PLD5: variants seen among roughly 807,000 people sequenced by gnomAD.
PLD5 encodes the protein phospholipase D family member 5, also known as inactive phospholipase D5.
PLD5 carries 36 observed loss-of-function variants against 61.1 expected under a neutral mutation model. The ratio of observed to expected loss-of-function variants is 0.59; its 90% CI spans 0.45 to 0.78. The LOEUF (loss-of-function observed/expected upper bound fraction) is 0.78. Among genes scored for constraint, PLD5 ranks in the 30% least tolerant of loss-of-function variants. The probability of loss-of-function intolerance (pLI) is 0.00; values close to 1 mark genes in which losing one functional copy is unlikely to be tolerated. For missense variants in PLD5, 515 were observed against 644.4 expected (o/e 0.80, Z 2.17); for synonymous variants, 243 against 242.8 (o/e 1.00, Z -0.01).
Position 242,124,512 on chromosome 1 carries a change from ATTTCT to A in PLD5, c.884_888del (p.Lys295IlefsTer7). ...TTGGTTTCATTCAACTGAAGTTGCA[ATTTCT>A]TTTCATTGTCATAGACTCCATAGAG... On this transcript the variant is annotated frameshift_variant, in exon 6 of 10. Coordinates refer to ENST00000536534, the MANE Select transcript of PLD5 (RefSeq NM_001372062.1). LOFTEE classifies it high-confidence loss of function. 1 of 1,614,046 alleles carries A rather than the reference ATTTCT, an allele frequency of 6.2e-7. No homozygotes were observed. The highest frequency in any genetic ancestry group is 8.5e-7 in the Non-Finnish European group (1 of 1,179,980).
intron 5 of PLD5, among the ~76,000 whole-genome samples, chr1:242,190,359 G>A (rs1161214975): frequency 1.3e-5 from 2 of 151,344 alleles, no homozygotes; most frequent in East Asian, 4.0e-4. Context: ...TGTTAGCCAG[G>A]ATGGTCTCGA....
intron 1 of PLD5, among the ~76,000 whole-genome samples, chr1:242,348,820 C>T (rs1442475339): frequency 5.3e-5 from 8 of 152,046 alleles, no homozygotes; most frequent in South Asian, 2.1e-4. Context: ...TTTGGGAGGC[C>T]AAGGCGGGCA....
chr1:242,305,464 T>G (rs1367627137), intron 2 of PLD5, among the ~76,000 whole-genome samples: 1 of 152,228 alleles, frequency 6.6e-6, no homozygotes, highest in Non-Finnish European at 1.5e-5. Flanking sequence ...AAGATACATA[T>G]TTCCTTCATT....
chr1:242,390,272 T>C (rs1662852946), intron 1 of PLD5, among the ~76,000 whole-genome samples: 1 of 152,064 alleles, frequency 6.6e-6, no homozygotes, highest in Admixed American at 6.6e-5. Context: ...GTTGGCCAGG[T>C]TGGTCTCGAA....
At chr1:242,174,099 G>A (rs1398346606) in intron 5 of PLD5, among the ~76,000 whole-genome samples, 3 of 151,968 alleles carry the variant, frequency 2.0e-5, no homozygotes, top group Non-Finnish European at 2.9e-5. Context: ...ACTACCATCA[G>A]AGTGAACAGG....
intron 1 of PLD5, among the ~76,000 whole-genome samples, chr1:242,468,630 T>A (rs1667345845): frequency 6.6e-6 from 1 of 152,168 alleles, no homozygotes; most frequent in Admixed American, 6.6e-5. Context: ...ACTTAACAGT[T>A]TTTATGATGG....
chr1:242,301,608 A>G lies in PLD5; in HGVS notation c.327-13078T>C, dbSNP rs1440978738. 2.0e-5 allele frequency among the ~76,000 whole-genome samples: 3 copies of G among 152,034 alleles called. No homozygotes were observed. The East Asian group carries it at 5.8e-4, about 29-fold the overall frequency. On this transcript the variant is annotated intron_variant, in intron 2 of 9. Transcript: ENST00000536534. ...CAACCCCAGAGGAATCTACATAACA[A>G]CCTTAATTAACTAGCGTTTATCTGT... is the stretch of plus-strand genomic sequence containing the variant.
In PLD5 at chr1:242,172,081, GC is replaced by G. The variant is rs1401231099; in HGVS notation, c.736-47417del. Among the ~76,000 whole-genome samples the G allele has an allele frequency of 2.6e-5, 4 of 152,166 alleles. No homozygotes were observed. The East Asian group carries it at 7.7e-4, about 29-fold the overall frequency. On this transcript the variant is annotated intron_variant, in intron 5 of 9. Coordinates refer to ENST00000536534, the MANE Select transcript of PLD5 (RefSeq NM_001372062.1). ...CACCCCAAATCAACAGAACATACAT[GC>G]TTTGCAGCACCTCATTGCACTTATT... is the stretch of plus-strand genomic sequence containing the variant.
At chr1:242,494,819 A>G (rs139269565) in intron 1 of PLD5, among the ~76,000 whole-genome samples, 30 of 151,692 alleles carry the variant, frequency 2.0e-4, no homozygotes, top group Admixed American at 1.7e-3. Flanking sequence ...TTCATTCTGC[A>G]AAACTTTAGT....
chr1:242,152,991 T>C (rs1042589598), intron 5 of PLD5, among the ~76,000 whole-genome samples: 1 of 152,144 alleles, frequency 6.6e-6, no homozygotes, highest in African/African-American at 2.4e-5. Flanking sequence ...AAAGTGTTCC[T>C]ATTTCTCCAC....
chr1:242,443,982 G>C (rs1666389604), intron 1 of PLD5, among the ~76,000 whole-genome samples: 1 of 151,970 alleles, frequency 6.6e-6, no homozygotes, highest in Non-Finnish European at 1.5e-5. Context: ...TCACCTAATG[G>C]GACCTGTGCA....
intron 9 of PLD5, 71 bp downstream of exon 9, chr1:242,100,597 C>A: frequency 8.9e-7 from 1 of 1,125,254 alleles, no homozygotes; most frequent in East Asian, 2.3e-5. Context: ...CAGGGGATAC[C>A]GTGGAGCACA....
At chr1:242,158,549 C>G (rs548249921) in intron 5 of PLD5, among the ~76,000 whole-genome samples, 1 of 152,264 alleles carries the variant, frequency 6.6e-6, no homozygotes, top group African/African-American at 2.4e-5. Flanking sequence ...TCCCCCACAG[C>G]TTACCTTCGG....
intron 5 of PLD5, among the ~76,000 whole-genome samples, chr1:242,213,515 C>T (rs781345551): frequency 6.6e-6 from 1 of 152,062 alleles, no homozygotes; most frequent in Non-Finnish European, 1.5e-5. Flanking sequence ...ACTAACGTCC[C>T]GGTCAGTAAG....
chr1:242,326,248 G>T (rs1658768765), intron 2 of PLD5, among the ~76,000 whole-genome samples: 2 of 152,110 alleles, frequency 1.3e-5, no homozygotes, highest in African/African-American at 4.8e-5. Context: ...TTGCTGGGAA[G>T]GGCTTTGACT....
chr1:242,325,921 T>A (rs577377683), intron 2 of PLD5, among the ~76,000 whole-genome samples: 270 of 152,200 alleles, frequency 1.8e-3, no homozygotes, highest in African/African-American at 6.4e-3. Context: ...GGGGTCTCAC[T>A]CTGTCACCCA....
chr1:242,517,486 A>G (rs1182825017), intron 1 of PLD5, among the ~76,000 whole-genome samples: 1 of 152,228 alleles, frequency 6.6e-6, no homozygotes, highest in Non-Finnish European at 1.5e-5. Context: ...AAAATATAGT[A>G]ATTGATTTTC....
chr1:242,228,519 T>G (rs1402542582), intron 4 of PLD5, among the ~76,000 whole-genome samples: 1 of 152,168 alleles, frequency 6.6e-6, no homozygotes, highest in Non-Finnish European at 1.5e-5. Flanking sequence ...TTTTGGGAAT[T>G]CAAAATTGAG....
intron 6 of PLD5, 184 bp downstream of exon 6, chr1:242,124,284 A>G (rs73132804): frequency 0.026 from 14,678 of 562,098 alleles, 1,506 homozygotes; most frequent in African/African-American, 0.23. Flanking sequence ...ATGATGATCA[A>G]GATTTATTAT....
Sources: allele counts gnomAD v4.1 joint callset (sites outside exome capture counted in the v4.1 genomes callset), GRCh38; gene constraint gnomAD v4.1.1; transcripts MANE v1.5; gene names NCBI Gene and HGNC (gene_info 2026-07-23, HGNC 2026-07-21).